The following PCDHA12 variants were observed in gnomAD, a reference collection of about 807,000 sequenced individuals.
PCDHA12 encodes the protein protocadherin alpha 12.
In PCDHA12, 44 loss-of-function variants were observed where a neutral mutation model predicts 60.0. The observed-to-expected ratio is 0.73, with a 90% CI of 0.58 to 0.94. PCDHA12 has a LOEUF of 0.94. PCDHA12 is among the 40% of genes least tolerant of loss of function. The pLI is 0.00. For synonymous variants in PCDHA12, 569 were observed against 553.0 expected (o/e 1.03, Z -0.40); for missense variants, 1,276 against 1,239.7 (o/e 1.03, Z -0.44).
chr5:140,907,708 C>T (rs1477501652), intron 1 of PCDHA12, among the ~76,000 whole-genome samples: 1 of 152,142 alleles, frequency 6.6e-6, no homozygotes, highest in East Asian at 1.9e-4. Flanking sequence ...TGTTGCTGAG[C>T]CCATGTGTAA....
intron 1 of PCDHA12, among the ~76,000 whole-genome samples, chr5:140,955,186 G>A (rs246020): frequency 0.56 from 85,667 of 151,968 alleles, 24,773 homozygotes; most frequent in African/African-American, 0.69. Flanking sequence ...GTTTTGTGGT[G>A]TATATGAAGT....
At chr5:140,879,672 G>C (rs1256239319) in intron 1 of PCDHA12, among the ~76,000 whole-genome samples, 1 of 152,160 alleles carries the variant, frequency 6.6e-6, no homozygotes, top group East Asian at 1.9e-4. Flanking sequence ...ACACAAACTG[G>C]GTGCTGTAAA....
intron 1 of PCDHA12, among the ~76,000 whole-genome samples, chr5:140,959,018 A>T (rs1374346226): frequency 6.6e-6 from 1 of 152,078 alleles, no homozygotes; most frequent in Non-Finnish European, 1.5e-5. Flanking sequence ...TTTATACATT[A>T]AGCTTTATCA....
intron 2 of PCDHA12, among the ~76,000 whole-genome samples, chr5:140,982,179 T>C (rs950269342): frequency 6.6e-6 from 1 of 152,396 alleles, no homozygotes. Flanking sequence ...CTTAGTCCTC[T>C]GATGGGCTTC....
At chr5:141,000,944 T>C (rs2097977292) in intron 3 of PCDHA12, among the ~76,000 whole-genome samples, 1 of 152,196 alleles carries the variant, frequency 6.6e-6, no homozygotes, top group Non-Finnish European at 1.5e-5. Flanking sequence ...GGACAAATTA[T>C]CTTGCTGTAA....
intron 1 of PCDHA12, chr5:140,883,223 T>C: frequency 6.2e-7 from 1 of 1,613,922 alleles, no homozygotes; most frequent in Non-Finnish European, 8.5e-7. Flanking sequence ...ATATGAAATA[T>C]CCGTGGAGGC....
intron 1 of PCDHA12, among the ~76,000 whole-genome samples, chr5:140,961,708 A>C (rs2095630610): frequency 6.6e-6 from 1 of 152,204 alleles, no homozygotes; most frequent in Non-Finnish European, 1.5e-5. Flanking sequence ...GAATGCCTTC[A>C]TTTCTAAGTG....
rs527281567 is a variant in PCDHA12 at position 140,992,060 on chromosome 5, A to T, written c.2515+9497A>T. Among the ~76,000 whole-genome samples the T allele has an allele frequency of 3.3e-3, 484 of 147,642 alleles. 5 individuals are homozygous for T. Among genetic ancestry groups the T allele is most frequent in the South Asian group, 0.015 (69 of 4,700 alleles). On this transcript the variant is annotated intron_variant, in intron 3 of 3. Transcript: ENST00000398631. The stretch of plus-strand genomic sequence containing the variant: ...GTGTGTGTGTGTGTGTGTGTAAGTT[A>T]ATTTCAGTAGAGAATGAGCTAGAGT...
chr5:140,925,641 T>TATAATAATA (rs10569930), intron 1 of PCDHA12, among the ~76,000 whole-genome samples: 4,530 of 143,294 alleles, frequency 0.032, 85 homozygotes, highest in Middle Eastern at 0.043. Flanking sequence ...GAACTTAAAG[T>TATAATAATA]ATAATAATAA....
At chr5:140,940,285 T>C (rs2092587239) in intron 1 of PCDHA12, among the ~76,000 whole-genome samples, 3 of 152,222 alleles carry the variant, frequency 2.0e-5, no homozygotes, top group Admixed American at 6.5e-5. Context: ...CTCATTGTGC[T>C]GCTTCATCAG....
At chr5:140,896,960 T>C (rs1242760287) in intron 1 of PCDHA12, among the ~76,000 whole-genome samples, 1 of 152,234 alleles carries the variant, frequency 6.6e-6, no homozygotes, top group Non-Finnish European at 1.5e-5. Context: ...CTTAAACATT[T>C]ATTCTTTGCA....
intron 3 of PCDHA12, among the ~76,000 whole-genome samples, chr5:140,994,425 G>A (rs769335292): frequency 5.3e-5 from 8 of 152,118 alleles, no homozygotes; most frequent in African/African-American, 1.7e-4. Context: ...TATTGAGGCC[G>A]GGCGCAGTGG....
intron 1 of PCDHA12, among the ~76,000 whole-genome samples, chr5:140,910,513 A>G (rs1293675976): frequency 2.0e-5 from 3 of 152,184 alleles, no homozygotes; most frequent in Non-Finnish European, 4.4e-5. Flanking sequence ...CTCTTCAAGG[A>G]TGCAGGTACT....
chr5:140,900,618 C>A (rs1382793608), intron 1 of PCDHA12, among the ~76,000 whole-genome samples: 1 of 152,180 alleles, frequency 6.6e-6, no homozygotes, highest in Non-Finnish European at 1.5e-5. Context: ...ATGTAGATTG[C>A]TTCCAAATCT....
At chr5:140,927,400 C>G (rs782428365) in intron 1 of PCDHA12, 11 of 1,614,126 alleles carry the variant, frequency 6.8e-6, no homozygotes, top group Non-Finnish European at 8.5e-6. Flanking sequence ...TCAGCACTTT[C>G]GCCTGGACAT....
At chr5:140,877,924 A>T in intron 1 of PCDHA12, 85 bp downstream of exon 1, 1 of 1,419,290 alleles carries the variant, frequency 7.0e-7, no homozygotes, top group Non-Finnish European at 9.3e-7. Flanking sequence ...ATTTTTCTTT[A>T]TGATTCTATC....
At chr5:140,971,510 A>G (rs1166115283) in intron 1 of PCDHA12, among the ~76,000 whole-genome samples, 3 of 152,152 alleles carry the variant, frequency 2.0e-5, no homozygotes, top group Non-Finnish European at 2.9e-5. Flanking sequence ...TAGGAGCAAA[A>G]GCCACTCAGT....
rs1351145867 is a variant in PCDHA12, at chr5:141,012,314, G to T, written c.*2377G>T. On this transcript the variant is annotated 3_prime_UTR_variant, in exon 4 of 4. Coordinates refer to ENST00000398631, the MANE Select transcript of PCDHA12 (RefSeq NM_018903.4). ...AATTGGTGCTATTGGTATTTCCTCTGTTATTGCTAATAAATGAAAATGGTG... is the reference window on the plus strand; with the variant it reads ...AATTGGTGCTATTGGTATTTCCTCTTTTATTGCTAATAAATGAAAATGGTG... The T allele has an allele frequency of 6.5e-6, 1 of 153,728 alleles. No individual in the cohort carries two copies. The highest frequency in any genetic ancestry group is 2.4e-5 in the African/African-American group (1 of 41,440). 9.5% of individuals were successfully genotyped at this position (153,728 alleles called of 1,614,324 possible). A position where few individuals can be genotyped will look rare whatever the true frequency, so the allele number is the denominator to read the frequency against.
chr5:141,010,226 C>T lies in PCDHA12; in HGVS notation c.*289C>T, dbSNP rs1386050566. ...CGCCGCAAAGGAGAGGCTTCCCAGC[C>T]CCGCCAGTGAGAGGTTGGACTCTCT... On this transcript the variant is annotated 3_prime_UTR_variant, in exon 4 of 4. Transcript: ENST00000398631. 6.4e-7 allele frequency: 1 copy of T among 1,551,824 alleles called. No homozygotes were observed. Among genetic ancestry groups the T allele is most frequent in the Admixed American group, 2.0e-5 (1 of 51,014 alleles).
Sources: gnomAD v4.1 joint callset for allele counts (sites outside exome capture counted in the v4.1 genomes callset) on GRCh38, gnomAD v4.1.1 for gene constraint, MANE v1.5 for transcripts, NCBI Gene and HGNC (gene_info 2026-07-23, HGNC 2026-07-21) for gene names.